The following THSD7B variants were observed in gnomAD, a reference collection of about 807,000 sequenced individuals.
The protein encoded by THSD7B is thrombospondin type-1 domain-containing protein 7B.
Under a neutral mutation model 213.6 loss-of-function variants are expected in THSD7B, and 138 were observed. The observed-to-expected ratio is 0.65, with a 90% confidence interval of 0.56 to 0.74. THSD7B has a LOEUF of 0.74. THSD7B is among the 30% of genes least tolerant of loss of function. The probability of loss-of-function intolerance (pLI) is 0.00; values close to 1 mark genes in which losing one functional copy is unlikely to be tolerated. For synonymous variants in THSD7B, 742 were observed against 687.0 expected, an observed-to-expected ratio of 1.08 and a Z score of -1.25; for missense variants, 1,931 against 1,991.5, an observed-to-expected ratio of 0.97 and a Z score of 0.58.
At chr2:137,270,781 T>C (rs534981746) in intron 10 of THSD7B, among the ~76,000 whole-genome samples, 29 of 152,118 alleles carry the variant, frequency 1.9e-4, no homozygotes, top group African/African-American at 7.0e-4. Flanking sequence ...AGTAGAGGCA[T>C]AAAAAACATC....
In THSD7B at chr2:137,655,561, T is replaced by C; in HGVS notation, c.4006T>C (p.Ser1336Pro). The C allele has an allele frequency of 1.2e-6, 2 of 1,612,778 alleles. No individual in the cohort carries two copies. Among genetic ancestry groups the C allele is most frequent in the Non-Finnish European group, 1.7e-6 (2 of 1,179,460 alleles). Residue 1336 changes from serine to proline, a missense_variant, in exon 22 of 28, where the codon TCA (serine) becomes CCA (proline). Physicochemically the swap from Ser to Pro is moderately conservative, Grantham distance 74. Coordinates refer to ENST00000409968, the MANE Select transcript of THSD7B (RefSeq NM_001316349.2). The stretch of plus-strand genomic sequence containing the variant: ...CCTTTCCTGCATGGTCCACAGTGGT[T>C]CAATATCTCATGCAGCTGGACGTGT... ...RSLSCMVHSG[S>P]ISHAAGRVED...
intron 7 of THSD7B, among the ~76,000 whole-genome samples, chr2:137,199,023 A>G (rs909864233): frequency 2.6e-5 from 4 of 152,150 alleles, no homozygotes; most frequent in African/African-American, 9.7e-5. Context: ...GCTTCTTGCC[A>G]TAACCATAAG....
At chr2:137,278,893 T>G (rs1023175039) in intron 12 of THSD7B, among the ~76,000 whole-genome samples, 2 of 152,178 alleles carry the variant, frequency 1.3e-5, no homozygotes, top group Non-Finnish European at 2.9e-5. Flanking sequence ...AGAGGTATAG[T>G]TACAATATAC....
intron 15 of THSD7B, among the ~76,000 whole-genome samples, chr2:137,457,218 A>G (rs891507793): frequency 2.6e-5 from 4 of 152,214 alleles, no homozygotes; most frequent in Non-Finnish European, 4.4e-5. Context: ...AGAATCAATC[A>G]TGAGAAGCAA....
chr2:136,947,112 C>T (rs1223125715), intron 2 of THSD7B, among the ~76,000 whole-genome samples: 1 of 152,108 alleles, frequency 6.6e-6, no homozygotes, highest in East Asian at 1.9e-4. Context: ...ATTCGGCCAT[C>T]TTGGAACAGT....
At chr2:137,064,548 G>A (rs530080389) in intron 3 of THSD7B, among the ~76,000 whole-genome samples, 5 of 152,000 alleles carry the variant, frequency 3.3e-5, no homozygotes, top group African/African-American at 9.6e-5. Flanking sequence ...TTGATTGCCT[G>A]TGTTTTATTA....
chr2:137,513,096 T>C (rs72981434), intron 15 of THSD7B, among the ~76,000 whole-genome samples: 15,529 of 152,260 alleles, frequency 0.1, 1,055 homozygotes, highest in African/African-American at 0.19. Context: ...TCAAACTTTA[T>C]CGCATTAAAT....
intron 2 of THSD7B, among the ~76,000 whole-genome samples, chr2:137,009,693 T>G (rs1169724084): frequency 6.6e-6 from 1 of 152,110 alleles, no homozygotes; most frequent in Non-Finnish European, 1.5e-5. Flanking sequence ...TGACTTACCA[T>G]GAGAACAGTA....
intron 3 of THSD7B, among the ~76,000 whole-genome samples, chr2:137,093,752 CT>C (rs936237021): frequency 1.3e-5 from 2 of 150,942 alleles, no homozygotes; most frequent in Admixed American, 6.6e-5. Context: ...ATCACATTAT[CT>C]TTTTTTTTAA....
At chr2:137,592,837 T>C (rs1681891298) in intron 17 of THSD7B, among the ~76,000 whole-genome samples, 1 of 151,980 alleles carries the variant, frequency 6.6e-6, no homozygotes, top group African/African-American at 2.4e-5. Context: ...CACTACAGGA[T>C]CTTTGATGCT....
chr2:137,631,764 A>G (rs1171424893), intron 20 of THSD7B, among the ~76,000 whole-genome samples: 1 of 152,180 alleles, frequency 6.6e-6, no homozygotes, highest in East Asian at 1.9e-4. Context: ...GTGGAATGGA[A>G]GAAAAAGAAT....
intron 2 of THSD7B, among the ~76,000 whole-genome samples, chr2:136,885,971 A>G (rs1020689666): frequency 6.6e-6 from 1 of 152,064 alleles, no homozygotes; most frequent in African/African-American, 2.4e-5. Flanking sequence ...CTGAGTAAAG[A>G]CCTGAGGGAA....
chr2:137,606,080 C>T (rs971460010), intron 17 of THSD7B, among the ~76,000 whole-genome samples: 4 of 152,138 alleles, frequency 2.6e-5, no homozygotes, highest in African/African-American at 9.7e-5. Context: ...GGATTACAGG[C>T]GTGAGCCACG....
chr2:136,898,253 T>A (rs1387282427), intron 2 of THSD7B, among the ~76,000 whole-genome samples: 1 of 152,266 alleles, frequency 6.6e-6, no homozygotes, highest in African/African-American at 2.4e-5. Flanking sequence ...ATAAGCCTTG[T>A]CCTTCTTTTG....
intron 14 of THSD7B, among the ~76,000 whole-genome samples, chr2:137,438,876 G>C (rs1193459963): frequency 4.6e-5 from 7 of 152,102 alleles, no homozygotes; most frequent in African/African-American, 1.7e-4. Flanking sequence ...TAAGGAACTT[G>C]AGATGAGATC....
At chr2:137,214,244 G>A (rs1407823278) in intron 7 of THSD7B, among the ~76,000 whole-genome samples, 1 of 151,944 alleles carries the variant, frequency 6.6e-6, no homozygotes. Flanking sequence ...ACTTATACCT[G>A]GATTTTCCTT....
intron 9 of THSD7B, among the ~76,000 whole-genome samples, chr2:137,234,236 A>G (rs1681711986): frequency 1.3e-5 from 2 of 152,230 alleles, no homozygotes; most frequent in African/African-American, 4.8e-5. Context: ...CCTGCCCTCC[A>G]TGGCAAAATA....
At chr2:137,661,736 T>C (rs765899536) in intron 25 of THSD7B, among the ~76,000 whole-genome samples, 1 of 152,174 alleles carries the variant, frequency 6.6e-6, no homozygotes, top group Non-Finnish European at 1.5e-5. Flanking sequence ...ACTTGGGTTT[T>C]ATATGTTGGC....
Position 137,024,325 on chromosome 2 carries a change from GCT to G in THSD7B, c.140-32090_140-32089del, listed in dbSNP as rs200904518. ...TCTCAGAAAGTGTGAGCTGGAATTT[GCT>G]CTCTTTTGTGGGTTAGAGACCTGAC... On this transcript the variant is annotated intron_variant, in intron 2 of 27. Transcript: ENST00000409968. Among the ~76,000 whole-genome samples the G allele has an allele frequency of 7.1e-3, 1,075 of 152,216 alleles. 13 individuals carry two copies. The highest frequency in any genetic ancestry group is 0.034 in the Middle Eastern group (10 of 294).
Sources: gnomAD v4.1 joint callset for allele counts (sites outside exome capture counted in the v4.1 genomes callset) on GRCh38, gnomAD v4.1.1 for gene constraint, MANE v1.5 for transcripts, NCBI Gene and HGNC (gene_info 2026-07-23, HGNC 2026-07-21) for gene names.